The following KLF12 variants were observed in gnomAD, a reference collection of about 807,000 sequenced individuals.
The protein encoded by KLF12 is Krueppel-like factor 12.
KLF12 carries 9 observed loss-of-function variants against 37.8 expected under a neutral mutation model. That is an observed-to-expected ratio of 0.24 (90% CI 0.14 to 0.42). KLF12 has a LOEUF of 0.42. KLF12 is among the 10% of genes least tolerant of loss of function. KLF12 has a pLI of 1.00. For missense variants in KLF12, 411 were observed against 516.0 expected (o/e 0.80, Z 1.97); for synonymous variants, 208 against 202.1 (o/e 1.03, Z -0.25).
In KLF12 at chr13:73,954,200, G is replaced by A. The variant is rs374420565; in HGVS notation, c.34-10130C>T. 1.1e-4 allele frequency among the ~76,000 whole-genome samples: 16 copies of A among 151,816 alleles called. No homozygotes were observed. In the East Asian group the frequency reaches 2.5e-3, roughly 24 times the overall value. ...TCACCATGTTAGCCAGGATGGTCTCGGTCTCCTGACTTTGTGATCCGCCCA... is the reference window on the plus strand; with the variant it reads ...TCACCATGTTAGCCAGGATGGTCTCAGTCTCCTGACTTTGTGATCCGCCCA... On this transcript the variant is annotated intron_variant, in intron 2 of 7. Coordinates refer to ENST00000377669, the MANE Select transcript of KLF12 (RefSeq NM_007249.5).
Position 73,699,199 on chromosome 13 carries a change from C to A in KLF12, c.1028-3528G>T, listed in dbSNP as rs558961636. Among the ~76,000 whole-genome samples the A allele has an allele frequency of 5.7e-3, 791 of 138,840 alleles. 4 individuals carry two copies. Among genetic ancestry groups the A allele is most frequent in the Middle Eastern group, 0.025 (7 of 278 alleles). 91.1% of individuals were successfully genotyped at this position (138,840 alleles called of 152,430 possible). On this transcript the variant is annotated intron_variant, in intron 7 of 7. Coordinates refer to ENST00000377669, the MANE Select transcript of KLF12 (RefSeq NM_007249.5). ...AATACAGTGAGCCCCCCCACCCCCC[C>A]ACTGCAATCTCTAAAAAAAAATAAA...
intron 3 of KLF12, among the ~76,000 whole-genome samples, chr13:73,885,937 A>G (rs1442228614): frequency 6.6e-6 from 1 of 152,224 alleles, no homozygotes; most frequent in African/African-American, 2.4e-5. Flanking sequence ...GAGGAAGATC[A>G]AGGATAACTC....
intron 3 of KLF12, among the ~76,000 whole-genome samples, chr13:73,848,761 A>G (rs1223410886): frequency 6.6e-6 from 1 of 152,134 alleles, no homozygotes; most frequent in African/African-American, 2.4e-5. Flanking sequence ...AAGGCTCACA[A>G]AAATAAGGAA....
chr13:74,050,101 G>A (rs1192127035), intron 1 of KLF12, among the ~76,000 whole-genome samples: 2 of 151,916 alleles, frequency 1.3e-5, no homozygotes, highest in Non-Finnish European at 2.9e-5. Context: ...ATGTCATTGA[G>A]AAATTCAGAA....
At chr13:74,173,923 G>A in the KLF12 span, among the ~76,000 whole-genome samples, 1 of 152,100 alleles carries the variant, frequency 6.6e-6, no homozygotes, top group African/African-American at 2.4e-5. Flanking sequence ...TATTAACCTT[G>A]GCCTTTCCTT....
the KLF12 span, among the ~76,000 whole-genome samples, chr13:74,245,155 T>C: frequency 1.3e-5 from 2 of 152,296 alleles, no homozygotes; most frequent in South Asian, 2.1e-4. Flanking sequence ...GTAGCCAGTA[T>C]TATTATTTAT....
chr13:73,918,589 A>G (rs1250648457), intron 3 of KLF12, among the ~76,000 whole-genome samples: 3 of 152,204 alleles, frequency 2.0e-5, no homozygotes, highest in Non-Finnish European at 4.4e-5. Flanking sequence ...TGTGAGCTAG[A>G]TATAACCCAA....
intron 1 of KLF12, among the ~76,000 whole-genome samples, chr13:74,095,448 G>C (rs962972124): frequency 4.0e-5 from 6 of 151,862 alleles, no homozygotes; most frequent in Admixed American, 6.6e-5. Flanking sequence ...GAGTGCAGTG[G>C]TGTGATAATA....
the KLF12 span, among the ~76,000 whole-genome samples, chr13:74,254,837 A>C: frequency 1.3e-5 from 2 of 152,268 alleles, no homozygotes; most frequent in South Asian, 4.1e-4. Context: ...TTTGTCCCTT[A>C]GTTATTAATA....
intron 5 of KLF12, among the ~76,000 whole-genome samples, chr13:73,807,015 T>C (rs951400513): frequency 6.6e-6 from 1 of 151,910 alleles, no homozygotes; most frequent in African/African-American, 2.4e-5. Flanking sequence ...TTTTCTAAAT[T>C]AAGAATTATG....
chr13:74,100,625 A>C (rs1218018448), intron 1 of KLF12, among the ~76,000 whole-genome samples: 1 of 151,556 alleles, frequency 6.6e-6, no homozygotes, highest in Non-Finnish European at 1.5e-5. Context: ...TCAAATATAT[A>C]TATATATATG....
rs1239520289 is a variant in KLF12 at position 73,692,615 on chromosome 13, C to T, written c.*2875G>A. On this transcript the variant is annotated 3_prime_UTR_variant, in exon 8 of 8. Coordinates refer to ENST00000377669, the MANE Select transcript of KLF12 (RefSeq NM_007249.5). ...ACATGAGATGAAATGGAGGCTCTTCCATGACTGAAGACATTCCATTTCTTT... is the reference window on the plus strand; with the variant it reads ...ACATGAGATGAAATGGAGGCTCTTCTATGACTGAAGACATTCCATTTCTTT... 6.6e-6 allele frequency: 1 copy of T among 152,642 alleles called. No individual in the cohort carries two copies. Among genetic ancestry groups the T allele is most frequent in the African/African-American group, 2.4e-5 (1 of 41,456 alleles). 9.5% of individuals were successfully genotyped at this position (152,642 alleles called of 1,614,324 possible).
chr13:74,077,868 T>G (rs1468580005), intron 1 of KLF12, among the ~76,000 whole-genome samples: 1 of 152,214 alleles, frequency 6.6e-6, no homozygotes, highest in Non-Finnish European at 1.5e-5. Flanking sequence ...TTCTTGTCTA[T>G]GTATTTTCTC....
intron 2 of KLF12, among the ~76,000 whole-genome samples, chr13:73,961,680 A>T (rs895441955): frequency 2.6e-5 from 4 of 152,172 alleles, no homozygotes; most frequent in African/African-American, 9.7e-5. Context: ...TGTGTGTTAT[A>T]ATGAGACTTT....
chr13:74,049,018 C>A (rs763828298), intron 1 of KLF12, among the ~76,000 whole-genome samples: 3 of 152,164 alleles, frequency 2.0e-5, no homozygotes, highest in Admixed American at 2.0e-4. Flanking sequence ...CCAGAAATGG[C>A]GGTAAAAGTC....
intron 3 of KLF12, among the ~76,000 whole-genome samples, chr13:73,867,617 A>T (rs1886243708): frequency 6.6e-6 from 1 of 151,404 alleles, no homozygotes; most frequent in East Asian, 1.9e-4. Context: ...GGAAAAAAAA[A>T]TTAACAAACT....
At chr13:73,782,085 G>A (rs1469303979) in intron 5 of KLF12, among the ~76,000 whole-genome samples, 4 of 152,186 alleles carry the variant, frequency 2.6e-5, no homozygotes, top group Non-Finnish European at 5.9e-5. Flanking sequence ...CTTCATGGAA[G>A]GGCTATGTAG....
At chr13:74,060,484 T>TTGTGTGTGTGTGTG (rs60242793) in intron 1 of KLF12, among the ~76,000 whole-genome samples, 46 of 108,624 alleles carry the variant, frequency 4.2e-4, no homozygotes, top group African/African-American at 5.9e-4. Flanking sequence ...TACCTAGGTT[T>TTGTGTGTGTGTGTG]TGTGTGTGTG....
At chr13:73,808,365 T>C (rs1168811416) in intron 5 of KLF12, among the ~76,000 whole-genome samples, 3 of 152,190 alleles carry the variant, frequency 2.0e-5, no homozygotes, top group Non-Finnish European at 4.4e-5. Context: ...TATCTAAATT[T>C]ACTGATCCTG....
Sources: gnomAD v4.1 joint callset for allele counts (sites outside exome capture counted in the v4.1 genomes callset) on GRCh38, gnomAD v4.1.1 for gene constraint, MANE v1.5 for transcripts, NCBI Gene and HGNC (gene_info 2026-07-23, HGNC 2026-07-21) for gene names.